MARK2: variants seen among roughly 807,000 people sequenced by gnomAD.
The protein encoded by MARK2 is serine/threonine-protein kinase MARK2.
MARK2 carries 16 observed loss-of-function variants against 89.8 expected under a neutral mutation model. The observed-to-expected ratio is 0.18, with a 90% confidence interval of 0.12 to 0.27. The LOEUF (loss-of-function observed/expected upper bound fraction) is 0.27, where lower values mean the gene tolerates loss of function less well. MARK2 is among the 10% of genes least tolerant of loss of function. The pLI is 1.00. For synonymous variants in MARK2, 382 were observed against 399.5 expected, an observed-to-expected ratio of 0.96 and a Z score of 0.52; for missense variants, 621 against 1,049.9, an observed-to-expected ratio of 0.59 and a Z score of 5.65.
chr11:63,862,967 C>T (rs1937895265), intron 1 of MARK2, among the ~76,000 whole-genome samples: 1 of 152,198 alleles, frequency 6.6e-6, no homozygotes, highest in Admixed American at 6.5e-5. Context: ...TTACAACCGT[C>T]TGTGTGCCAC....
At chr11:63,888,717 G>A (rs1008046554) in intron 1 of MARK2, 32 of 1,190,676 alleles carry the variant, frequency 2.7e-5, no homozygotes, top group African/African-American at 3.2e-5. Context: ...TGGTGGTTTC[G>A]GTTGCGACAC....
chr11:63,849,224 T>C (rs1388983232), intron 1 of MARK2, among the ~76,000 whole-genome samples: 1 of 152,212 alleles, frequency 6.6e-6, no homozygotes, highest in East Asian at 1.9e-4. Flanking sequence ...CACAGAAGAC[T>C]GTCATTGGCT....
Position 63,904,963 on chromosome 11 carries a change from C to A in MARK2, c.1854C>A (p.Ala618=). 6.2e-7 allele frequency: 1 copy of A among 1,614,240 alleles called. No homozygotes were observed. The highest frequency in any genetic ancestry group is 1.1e-5 in the South Asian group (1 of 91,090). Reference sequence around the variant, plus strand: ...ATTTGCCCTACGGTGTGACCCCAGCCTCTCCCTCTGGCCACAGCCAGGGCC... The same window carrying A: ...ATTTGCCCTACGGTGTGACCCCAGCATCTCCCTCTGGCCACAGCCAGGGCC... The part of the protein sequence containing the change: ...QQNLPYGVTP[A]SPSGHSQGRR... The change falls in exon 16 of 19, where the codon GCC becomes GCA. Residue 618 remains alanine, a synonymous_variant. Transcript: ENST00000402010. The surrounding 1 kb of genome is among the most constrained non-coding windows in gnomAD (Gnocchi z 6.3).
At chr11:63,861,970 C>T (rs1354511730) in intron 1 of MARK2, among the ~76,000 whole-genome samples, 1 of 136,716 alleles carries the variant, frequency 7.3e-6, no homozygotes, top group Non-Finnish European at 1.5e-5. Flanking sequence ...GTTGCTCAGG[C>T]TAGAGTGCAG....
intron 1 of MARK2, among the ~76,000 whole-genome samples, chr11:63,869,546 G>A (rs552980713): frequency 2.6e-5 from 4 of 152,216 alleles, no homozygotes; most frequent in South Asian, 4.2e-4. Context: ...GGGAGGGGCC[G>A]GGAGCTTGTA....
intron 1 of MARK2, among the ~76,000 whole-genome samples, chr11:63,852,704 T>C (rs1180874986): frequency 6.6e-6 from 1 of 150,772 alleles, no homozygotes; most frequent in East Asian, 1.9e-4. Context: ...GAAATGAAAG[T>C]GTAATGAAAG....
intron 1 of MARK2, chr11:63,868,350 A>C (rs1327552786): frequency 6.5e-6 from 1 of 153,038 alleles, no homozygotes; most frequent in African/African-American, 2.4e-5. Flanking sequence ...ATTACTTAAA[A>C]AAATCGTAAC....
intron 1 of MARK2, among the ~76,000 whole-genome samples, chr11:63,840,100 G>A (rs1565088265): frequency 1.3e-5 from 2 of 152,098 alleles, no homozygotes; most frequent in Admixed American, 6.6e-5. Context: ...TTTCTACCCT[G>A]CTTCTTCGTT....
chr11:63,864,169 TGGTCTC>T (rs1224820600), intron 1 of MARK2, among the ~76,000 whole-genome samples: 2 of 151,982 alleles, frequency 1.3e-5, no homozygotes, highest in Non-Finnish European at 2.9e-5. Flanking sequence ...TTAGCCAGGA[TGGTCTC>T]GATCTCCTGA....
chr11:63,880,890 G>T (rs1939046642), intron 1 of MARK2, among the ~76,000 whole-genome samples: 1 of 152,232 alleles, frequency 6.6e-6, no homozygotes, highest in South Asian at 2.1e-4. Context: ...TCAGTTATCA[G>T]TTGGTCCCAG....
At chr11:63,843,959 C>A (rs1262768556) in intron 1 of MARK2, among the ~76,000 whole-genome samples, 2 of 152,110 alleles carry the variant, frequency 1.3e-5, no homozygotes, top group African/African-American at 4.8e-5. Flanking sequence ...AGCTGTGCAG[C>A]AGTGTGCCCT....
intron 1 of MARK2, among the ~76,000 whole-genome samples, chr11:63,879,459 T>C (rs1429403689): frequency 6.6e-6 from 1 of 152,106 alleles, no homozygotes; most frequent in Non-Finnish European, 1.5e-5. Flanking sequence ...TCTTCTGTGA[T>C]TGCCTTGAGG....
rs1941627330 is a variant in MARK2 at position 63,909,701 on chromosome 11, TG to T, written c.*466del. 1 of 151,286 alleles carries T rather than the reference TG, an allele frequency of 6.6e-6. No individual in the cohort carries two copies. The highest frequency in any genetic ancestry group is 1.5e-5 in the Non-Finnish European group (1 of 68,126). The allele number at this position is 151,286 out of a possible 1,614,324, so 9.4% of individuals were successfully genotyped here. A position where few individuals can be genotyped will look rare whatever the true frequency, so the allele number is the denominator to read the frequency against. On this transcript the variant is annotated 3_prime_UTR_variant, in exon 19 of 19. Transcript: ENST00000402010. ...GGGCTGGAACACTCTCAGGCAAGAG[TG>T]GTGGAGCTCCCGTCAGGCCCTCCGC...
At chr11:63,861,149 T>C (rs1937746618) in intron 1 of MARK2, among the ~76,000 whole-genome samples, 1 of 152,018 alleles carries the variant, frequency 6.6e-6, no homozygotes, top group Non-Finnish European at 1.5e-5. Context: ...GGAACTTTAA[T>C]TTCGGGTTGG....
rs1940974764 is a variant in MARK2 at position 63,902,413 on chromosome 11, C to T, written c.1234+83C>T. The T allele has an allele frequency of 6.4e-7, 1 of 1,569,662 alleles. No homozygotes were observed. The highest frequency in any genetic ancestry group is 1.1e-5 in the South Asian group (1 of 89,454). ...TTCTGTGGGGACTTGGGTAACACAA[C>T]TAAGTTTCAGTCCTGGTTCAGCCAC... On this transcript the variant is annotated intron_variant, in intron 12 of 18. Transcript: ENST00000402010. The surrounding 1 kb of genome is among the most constrained non-coding windows in gnomAD (Gnocchi z 4.2).
At chr11:63,885,650 G>T (rs1333980387) in intron 1 of MARK2, among the ~76,000 whole-genome samples, 2 of 151,400 alleles carry the variant, frequency 1.3e-5, no homozygotes, top group East Asian at 3.9e-4. Context: ...GCCTGGCCAA[G>T]GTGGTGAAAC....
chr11:63,873,238 G>C (rs1184652363), intron 1 of MARK2, among the ~76,000 whole-genome samples: 2 of 152,158 alleles, frequency 1.3e-5, no homozygotes, highest in East Asian at 3.8e-4. Flanking sequence ...GGTTTGGGGA[G>C]TTTCTTCTTT....
Position 63,839,530 on chromosome 11 carries a change from AC to A in MARK2, c.27del (p.Thr10ArgfsTer2). The A allele has an allele frequency of 6.6e-7, 1 of 1,519,712 alleles. No individual in the cohort carries two copies. The highest frequency in any genetic ancestry group is 8.8e-7 in the Non-Finnish European group (1 of 1,132,350). The allele number at this position is 1,519,712 out of a possible 1,614,324, so 94.1% of individuals were successfully genotyped here. On this transcript the variant is annotated frameshift_variant, in exon 1 of 19. Transcript: ENST00000402010. LOFTEE classifies it high-confidence loss of function. MSSARTPL[P>X]TLNERDTEQP... ...CCATGTCCAGCGCTCGGACCCCCCTACCCACGCTGAACGAGAGGGACACGGA... is the reference window on the plus strand; with the variant it reads ...CCATGTCCAGCGCTCGGACCCCCCTACCACGCTGAACGAGAGGGACACGGA...
rs1940313992 is a variant in MARK2, at chr11:63,895,641, C to T, written c.288+8C>T. 7.2e-7 allele frequency: 1 copy of T among 1,381,172 alleles called. No individual in the cohort carries two copies. Among genetic ancestry groups the T allele is most frequent in the Non-Finnish European group, 1.0e-6 (1 of 978,954 alleles). 85.6% of individuals were successfully genotyped at this position (1,381,172 alleles called of 1,614,324 possible). On this transcript the variant is annotated splice_region_variant and intron_variant, in intron 3 of 18. Coordinates refer to ENST00000402010, the MANE Select transcript of MARK2 (RefSeq NM_001039469.3). Reference sequence around the variant, plus strand: ...TCCTCCAGCCTCCAGAAAGTAAGCACATGGCACCTCCTGTCCCTTTTTTTT... The same window carrying T: ...TCCTCCAGCCTCCAGAAAGTAAGCATATGGCACCTCCTGTCCCTTTTTTTT...
Sources: gnomAD v4.1 joint callset for allele counts (sites outside exome capture counted in the v4.1 genomes callset) on GRCh38, gnomAD v4.1.1 for gene constraint, Gnocchi (gnomAD v3.1) non-coding constraint, MANE v1.5 for transcripts, NCBI Gene and HGNC (gene_info 2026-07-23, HGNC 2026-07-21) for gene names.